The following VTI1A variants were observed in gnomAD, a reference collection of about 807,000 sequenced individuals.
The protein encoded by VTI1A is vesicle transport through interaction with t-SNAREs 1A, also known as vesicle transport through interaction with t-SNAREs homolog 1A.
Under a neutral mutation model 34.9 loss-of-function variants are expected in VTI1A, and 22 were observed. The observed-to-expected ratio is 0.63, with a 90% confidence interval of 0.45 to 0.90. The LOEUF is 0.90. Ranked by LOEUF, VTI1A falls within the 40% of genes least tolerant of loss-of-function variation. The probability of loss-of-function intolerance (pLI) is 0.00; values close to 1 mark genes in which losing one functional copy is unlikely to be tolerated. For synonymous variants in VTI1A, 87 were observed against 97.3 expected, an observed-to-expected ratio of 0.89 and a Z score of 0.62; for missense variants, 268 against 275.6, an observed-to-expected ratio of 0.97 and a Z score of 0.20.
intron 5 of VTI1A, among the ~76,000 whole-genome samples, chr10:112,623,194 TA>T (rs1013406851): frequency 1.3e-5 from 2 of 152,310 alleles, no homozygotes; most frequent in South Asian, 2.1e-4. Flanking sequence ...CCAATCTCTA[TA>T]AAAGGCCCCT....
At chr10:112,494,869 A>G (rs1234858132) in intron 3 of VTI1A, among the ~76,000 whole-genome samples, 2 of 152,148 alleles carry the variant, frequency 1.3e-5, no homozygotes, top group Non-Finnish European at 2.9e-5. Flanking sequence ...TTCCCCTACC[A>G]GCTAGCTGCT....
At chr10:112,654,522 T>C (rs1191286048) in intron 5 of VTI1A, among the ~76,000 whole-genome samples, 1 of 152,046 alleles carries the variant, frequency 6.6e-6, no homozygotes, top group Middle Eastern at 3.2e-3. Context: ...TGAGACCGAG[T>C]CTAACTGTCA....
intron 5 of VTI1A, among the ~76,000 whole-genome samples, chr10:112,640,544 A>G (rs533071780): frequency 6.6e-6 from 1 of 152,220 alleles, no homozygotes; most frequent in South Asian, 2.1e-4. Context: ...GGGAAAAAAA[A>G]CAAACAACAA....
rs1255822758 is a variant in VTI1A, at chr10:112,737,499, T to C, written c.560+68501T>C. 7 of 1,050,648 alleles carry C rather than the reference T, an allele frequency of 6.7e-6. No homozygotes were observed. The African/African-American group carries it at 8.3e-5, about 12-fold the overall frequency. 65.1% of individuals were successfully genotyped at this position (1,050,648 alleles called of 1,614,324 possible). A position where few individuals can be genotyped will look rare whatever the true frequency, so the allele number is the denominator to read the frequency against. ...AGTCTCTTCCGCATCTTCTGTTCCC[T>C]GGGATGCCTTAGACGGGGTGTGCAG... On this transcript the variant is annotated intron_variant, in intron 7 of 7. Transcript: ENST00000393077.
intron 5 of VTI1A, among the ~76,000 whole-genome samples, chr10:112,656,486 T>TA (rs1847232168): frequency 6.8e-6 from 1 of 147,224 alleles, no homozygotes; most frequent in African/African-American, 2.5e-5. Flanking sequence ...GCCTTCTGAG[T>TA]AACTGGGAAT....
At position 112,608,541 on chromosome 10, in the gene VTI1A, A is replaced by G. The variant is rs552954767; in HGVS notation, c.428-59677A>G. Reference sequence around the variant, plus strand: ...ACCACATGTAGACATGTGGGCAAATATATCTAATCACTGGTATAATTATTT... The same window carrying G: ...ACCACATGTAGACATGTGGGCAAATGTATCTAATCACTGGTATAATTATTT... On this transcript the variant is annotated intron_variant, in intron 5 of 7. Transcript: ENST00000393077. Among the ~76,000 whole-genome samples, 14 of 152,300 alleles carry G rather than the reference A, an allele frequency of 9.2e-5. No homozygotes were observed. The South Asian group carries it at 2.9e-3, about 32-fold the overall frequency.
At chr10:112,487,502 A>AT (rs1848683119) in intron 3 of VTI1A, among the ~76,000 whole-genome samples, 1 of 152,114 alleles carries the variant, frequency 6.6e-6, no homozygotes, top group Non-Finnish European at 1.5e-5. Flanking sequence ...TGTAGCATTC[A>AT]TTTTGCTCCC....
At chr10:112,501,475 G>A (rs1488415520) in intron 3 of VTI1A, among the ~76,000 whole-genome samples, 1 of 151,932 alleles carries the variant, frequency 6.6e-6, no homozygotes, top group African/African-American at 2.4e-5. Flanking sequence ...ACAAAAAAAT[G>A]AACAAAAAGA....
chr10:112,537,914 G>T (rs117983353), intron 4 of VTI1A, among the ~76,000 whole-genome samples: 2,851 of 152,240 alleles, frequency 0.019, 42 homozygotes, highest in South Asian at 0.028. Context: ...ATCTATGCAA[G>T]TATCTCATAT....
chr10:112,841,974 T>C, the VTI1A span, among the ~76,000 whole-genome samples: 4 of 150,470 alleles, frequency 2.7e-5, no homozygotes, highest in African/African-American at 9.8e-5. Flanking sequence ...GCAAGCAACA[T>C]AGTTGATTTT....
the VTI1A span, among the ~76,000 whole-genome samples, chr10:112,841,526 T>C: frequency 5.9e-5 from 9 of 151,636 alleles, no homozygotes; most frequent in African/African-American, 1.9e-4. Context: ...ACCAAGATGG[T>C]GCAAGGGGCA....
At chr10:112,750,605 A>G (rs1321864068) in intron 7 of VTI1A, among the ~76,000 whole-genome samples, 9 of 152,166 alleles carry the variant, frequency 5.9e-5, no homozygotes, top group African/African-American at 1.9e-4. Flanking sequence ...GAACAAACTA[A>G]CTGAGCTGCC....
intron 7 of VTI1A, among the ~76,000 whole-genome samples, chr10:112,804,223 C>T (rs1430310533): frequency 1.3e-5 from 2 of 152,088 alleles, no homozygotes; most frequent in African/African-American, 2.4e-5. Context: ...AGAGAAGGCT[C>T]GGCTGTGCTC....
intron 7 of VTI1A, among the ~76,000 whole-genome samples, chr10:112,790,437 G>A (rs182853234): frequency 1.8e-3 from 268 of 152,206 alleles, no homozygotes; most frequent in Non-Finnish European, 2.8e-3. Context: ...TCATTTCCAG[G>A]ATCTCCCCAT....
the VTI1A span, among the ~76,000 whole-genome samples, chr10:112,838,830 G>T: frequency 6.6e-6 from 1 of 152,192 alleles, no homozygotes; most frequent in African/African-American, 2.4e-5. Context: ...CTAGCTGGGG[G>T]CTTCAGACAA....
intron 3 of VTI1A, among the ~76,000 whole-genome samples, chr10:112,482,106 G>C (rs1848477642): frequency 6.6e-6 from 1 of 151,936 alleles, no homozygotes; most frequent in Non-Finnish European, 1.5e-5. Flanking sequence ...GGAAGACTTA[G>C]AAAAAAATAC....
At chr10:112,619,719 T>C (rs371264022) in intron 5 of VTI1A, among the ~76,000 whole-genome samples, 7 of 152,342 alleles carry the variant, frequency 4.6e-5, no homozygotes, top group African/African-American at 1.2e-4. Flanking sequence ...GATGAGACTT[T>C]AATTAACTTC....
intron 3 of VTI1A, among the ~76,000 whole-genome samples, chr10:112,490,048 T>C (rs936924910): frequency 2.0e-5 from 3 of 152,284 alleles, no homozygotes; most frequent in Admixed American, 2.0e-4. Flanking sequence ...ACTTACCTGA[T>C]ATATTTTTAC....
At chr10:112,528,487 G>T (rs1440372802) in intron 4 of VTI1A, among the ~76,000 whole-genome samples, 1 of 150,534 alleles carries the variant, frequency 6.6e-6, no homozygotes, top group Non-Finnish European at 1.5e-5. Context: ...TGATTGAAAT[G>T]TGAGAATAGC....
Sources: gnomAD v4.1 joint callset for allele counts (sites outside exome capture counted in the v4.1 genomes callset) on GRCh38, gnomAD v4.1.1 for gene constraint, MANE v1.5 for transcripts, NCBI Gene and HGNC (gene_info 2026-07-23, HGNC 2026-07-21) for gene names.